PCYOX1L: variants seen among roughly 807,000 people sequenced by gnomAD.
PCYOX1L encodes the protein prenylcysteine oxidase 1-like.
In PCYOX1L, 40 loss-of-function variants were observed where a neutral mutation model predicts 44.1. The observed-to-expected ratio is 0.91, with a 90% CI of 0.70 to 1.18. The LOEUF (loss-of-function observed/expected upper bound fraction) is 1.18. Ranked by LOEUF, PCYOX1L falls within the 50% of genes most tolerant of loss-of-function variation. The probability of loss-of-function intolerance (pLI) is 0.00; values close to 1 mark genes in which losing one functional copy is unlikely to be tolerated. For missense variants in PCYOX1L, 605 were observed against 653.3 expected, an observed-to-expected ratio of 0.93 and a Z score of 0.81; for synonymous variants, 266 against 282.8, an observed-to-expected ratio of 0.94 and a Z score of 0.60.
In PCYOX1L at chr5:149,364,160, C is replaced by G; in HGVS notation, c.420C>G (p.Ser140Arg). Residue 140 changes from serine to arginine, a missense_variant, in exon 3 of 6, where the codon AGC (serine) becomes AGG (arginine). Transcript: ENST00000274569. ...GCCTCTGGTGGCACTATGGCATCAG[C>G]TTCCTGAGGCTGCAGATGTGGGTGG... ...LFRLWWHYGI[S>R]FLRLQMWVEE... is the part of the protein sequence containing the mutation. 6.2e-7 allele frequency: 1 copy of G among 1,614,166 alleles called. No individual in the cohort carries two copies. The highest frequency in any genetic ancestry group is 8.5e-7 in the Non-Finnish European group (1 of 1,180,032).
intron 3 of PCYOX1L, 115 bp from the exon 4 acceptor site, chr5:149,365,827 C>G: frequency 1.1e-6 from 1 of 907,668 alleles, no homozygotes; most frequent in Non-Finnish European, 1.7e-6. Context: ...TGCCACCACT[C>G]CATGTAGAGG....
intron 5 of PCYOX1L, among the ~76,000 whole-genome samples, 176 bp downstream of exon 5, chr5:149,367,676 A>G (rs891426531): frequency 6.6e-6 from 1 of 152,212 alleles, no homozygotes; most frequent in African/African-American, 2.4e-5. Context: ...TCCCCAATTC[A>G]GATGTCAGCC....
chr5:149,364,729 T>A (rs1758142398), intron 3 of PCYOX1L: 1 of 154,038 alleles, frequency 6.5e-6, no homozygotes, highest in African/African-American at 2.4e-5. Context: ...AATGAAACAC[T>A]TCTGCAGGGC....
intron 3 of PCYOX1L, chr5:149,365,430 T>C (rs1352285107): frequency 6.0e-6 from 1 of 167,144 alleles, no homozygotes; most frequent in Non-Finnish European, 1.3e-5. Context: ...GCATGAGTGA[T>C]AGAGCGACAG....
rs760672430 is a variant in PCYOX1L, at chr5:149,358,085, C to G, written c.17C>G (p.Pro6Arg). ...CCGCCCGCCATGGCCCGCGCAGCCC[C>G]GCTGCTCGCCGCGTTGACCGCGCTC... MARAA[P>R]LLAALTALLA... The change falls in exon 1 of 6, where the codon CCG (proline) becomes CGG (arginine). Residue 6 changes from proline to arginine, a missense_variant. Physicochemically the swap from Pro to Arg is moderately radical, Grantham distance 103. Coordinates refer to ENST00000274569, the MANE Select transcript of PCYOX1L (RefSeq NM_024028.4). 5.0e-4 allele frequency: 717 copies of G among 1,433,036 alleles called. 3 individuals are homozygous for G. The highest frequency in any genetic ancestry group is 7.4e-4 in the Middle Eastern group (3 of 4,038). The allele number at this position is 1,433,036 out of a possible 1,614,324, so 88.8% of individuals were successfully genotyped here.
intron 1 of PCYOX1L, chr5:149,362,161 C>G (rs1758027339): frequency 5.9e-6 from 1 of 169,148 alleles, no homozygotes; most frequent in African/African-American, 2.4e-5. Flanking sequence ...CAATAAAACT[C>G]TAGTTTGCAA....
chr5:149,363,435 A>G (rs1758086258), intron 2 of PCYOX1L: 1 of 238,576 alleles, frequency 4.2e-6, no homozygotes, highest in Non-Finnish European at 8.4e-6. Context: ...AAAAGGCTGA[A>G]AGTATCCTAG....
chr5:149,367,844 C>A, intron 5 of PCYOX1L, 149 bp from the exon 6 acceptor site: 2 of 824,876 alleles, frequency 2.4e-6, no homozygotes, highest in Non-Finnish European at 3.7e-6. Flanking sequence ...GCAGCCGCAT[C>A]AGCATGGAGA....
intron 1 of PCYOX1L, among the ~76,000 whole-genome samples, chr5:149,359,083 A>G (rs766913629): frequency 6.6e-6 from 1 of 151,876 alleles, no homozygotes. Flanking sequence ...CTCCCTCAAC[A>G]ACTGTCATTT....
chr5:149,365,914 A>G, intron 3 of PCYOX1L, 28 bp from the exon 4 acceptor site: 2 of 1,612,368 alleles, frequency 1.2e-6, no homozygotes, highest in Non-Finnish European at 1.7e-6. Flanking sequence ...CTTCCTGCAC[A>G]AGGACTCCAG....
Position 149,368,506 on chromosome 5 carries a change from T to C in PCYOX1L, c.1337T>C (p.Leu446Pro), listed in dbSNP as rs1758314730. 1 of 1,612,170 alleles carries C rather than the reference T, an allele frequency of 6.2e-7. No individual in the cohort carries two copies. Among genetic ancestry groups the C allele is most frequent in the Non-Finnish European group, 8.5e-7 (1 of 1,178,962 alleles). ...GCACTCCATGACCAGCTCTTCTACC[T>C]CAATGCCCTGGAGTGGGCGGCCAGC... ...RFALHDQLFY[L>P]NALEWAASSV... Residue 446 changes from leucine (L) to proline (P), a missense_variant, in exon 6 of 6, where the codon CTC (leucine) becomes CCC (proline). Transcript: ENST00000274569.
Position 149,362,662 on chromosome 5 carries a change from C to T in PCYOX1L, c.114C>T (p.Gly38=). 6.2e-7 allele frequency: 1 copy of T among 1,614,210 alleles called. No homozygotes were observed. The highest frequency in any genetic ancestry group is 2.2e-5 in the East Asian group (1 of 44,890). The change falls in exon 2 of 6, where the codon GGC becomes GGT. Residue 38 remains glycine (G), a synonymous_variant. Transcript: ENST00000274569. ...KIAVVGAGIG[G]SAVAHFLQQH... is the part of the protein sequence containing the mutation. ...CGGTGGTTGGGGCTGGGATTGGGGG[C>T]TCTGCTGTGGCCCATTTTCTCCAGC...
rs780401527 is a variant in PCYOX1L at position 149,358,198 on chromosome 5, G to A, written c.88+42G>A. The A allele has an allele frequency of 1.1e-5, 15 of 1,404,012 alleles. No individual in the cohort carries two copies. The South Asian group carries it at 1.8e-4, about 17-fold the overall frequency. The allele number at this position is 1,404,012 out of a possible 1,614,324, so 87.0% of individuals were successfully genotyped here. A position where few individuals can be genotyped will look rare whatever the true frequency, so the allele number is the denominator to read the frequency against. ...GTGGGGTTCCCAGCTGGGGAGGGCC[G>A]GCGGGTAAAGGGTTCTCAGTTCTCA... On this transcript the variant is annotated intron_variant, in intron 1 of 5. Coordinates refer to ENST00000274569, the MANE Select transcript of PCYOX1L (RefSeq NM_024028.4).
rs751501721 is a variant in PCYOX1L, at chr5:149,364,135, G to A, written c.395G>A (p.Arg132His). Residue 132 changes from arginine (R) to histidine (H), a missense_variant, in exon 3 of 6, where the codon CGC becomes CAC. Physicochemically the swap from Arg to His is conservative, Grantham distance 29. Coordinates refer to ENST00000274569, the MANE Select transcript of PCYOX1L (RefSeq NM_024028.4). Reference sequence around the variant, plus strand: ...GACTGGTACCTGCTGAACCTCTTCCGCCTCTGGTGGCACTATGGCATCAGC... The same window carrying A: ...GACTGGTACCTGCTGAACCTCTTCCACCTCTGGTGGCACTATGGCATCAGC... ...ETDWYLLNLF[R>H]LWWHYGISFL... 5.6e-6 allele frequency: 9 copies of A among 1,614,146 alleles called. No homozygotes were observed. Among genetic ancestry groups the A allele is most frequent in the South Asian group, 2.2e-5 (2 of 91,080 alleles).
Position 149,369,193 on chromosome 5 carries a change from CT to C in PCYOX1L, c.*540del, listed in dbSNP as rs1443293443. ...TTTGAAGTACCTAGTTCAGAACTCC[CT>C]AGTCACCATCTCCAAGCCTGTCAAC... is the stretch of plus-strand genomic sequence containing the variant. On this transcript the variant is annotated 3_prime_UTR_variant, in exon 6 of 6. Coordinates refer to ENST00000274569, the MANE Select transcript of PCYOX1L (RefSeq NM_024028.4). The C allele has an allele frequency of 6.6e-6, 1 of 152,200 alleles. No homozygotes were observed. Among genetic ancestry groups the C allele is most frequent in the East Asian group, 1.9e-4 (1 of 5,194 alleles). The allele number at this position is 152,200 out of a possible 1,614,324, so 9.4% of individuals were successfully genotyped here.
At chr5:149,367,927 C>A in intron 5 of PCYOX1L, 66 bp from the exon 6 acceptor site, 1 of 1,485,986 alleles carries the variant, frequency 6.7e-7, no homozygotes, top group Non-Finnish European at 9.0e-7. Context: ...CAATGCTGGA[C>A]CCCAGTAGGG....
Position 149,362,779 on chromosome 5 carries a change from T to G in PCYOX1L, c.231T>G (p.Tyr77Ter). 1 of 1,614,178 alleles carries G rather than the reference T, an allele frequency of 6.2e-7. No homozygotes were observed. The highest frequency in any genetic ancestry group is 8.5e-7 in the Non-Finnish European group (1 of 1,180,042). ...CCATCTCAGTCAACAAGCAGCACTA[T>G]GAGAGCGGGGCTGCCTCCTTCCACT... ...LATISVNKQHYESGAASFHSL... is the reference protein window; with the variant it reads ...LATISVNKQH Residue 77 changes from tyrosine (Y) to a stop codon, truncating the protein, a stop_gained, in exon 2 of 6, where the codon TAT (tyrosine) becomes TAG (stop). Transcript: ENST00000274569. LOFTEE classifies it high-confidence loss of function.
At chr5:149,362,498 T>A (rs1758035027) in intron 1 of PCYOX1L, 139 bp from the exon 2 acceptor site, 3 of 842,962 alleles carry the variant, frequency 3.6e-6, no homozygotes, top group African/African-American at 1.7e-5. Context: ...GTCCGCAGAT[T>A]TCCTTTTGGA....
chr5:149,360,183 A>T (rs1340141730), intron 1 of PCYOX1L, among the ~76,000 whole-genome samples: 1 of 152,210 alleles, frequency 6.6e-6, no homozygotes, highest in African/African-American at 2.4e-5. Context: ...CTGTCTGCCC[A>T]TTCCATGCTG....
Sources: gnomAD v4.1 joint callset for allele counts (sites outside exome capture counted in the v4.1 genomes callset) on GRCh38, gnomAD v4.1.1 for gene constraint, MANE v1.5 for transcripts, NCBI Gene and HGNC (gene_info 2026-07-23, HGNC 2026-07-21) for gene names.